WDPCP: variants seen among roughly 807,000 people sequenced by gnomAD.
WDPCP encodes the protein WD repeat containing planar cell polarity effector, also known as WD repeat-containing and planar cell polarity effector protein fritz homolog.
A neutral mutation model predicts 93.1 loss-of-function variants in WDPCP; 71 were observed. The observed-to-expected ratio is 0.76, with a 90% CI of 0.63 to 0.93. The LOEUF is 0.93. Among genes scored for constraint, WDPCP ranks in the 40% least tolerant of loss-of-function variants. The pLI is 0.00. For missense variants in WDPCP, 844 were observed against 887.4 expected, an observed-to-expected ratio of 0.95 and a Z score of 0.62; for synonymous variants, 315 against 315.0, an observed-to-expected ratio of 1.00 and a Z score of 0.00.
intron 2 of WDPCP, among the ~76,000 whole-genome samples, chr2:63,713,794 C>T (rs1045419003): frequency 3.9e-5 from 6 of 152,106 alleles, no homozygotes; most frequent in Non-Finnish European, 8.8e-5. Context: ...CAATTCTCAT[C>T]GTTAGGTTTG....
rs1300631825 is a variant in WDPCP at position 63,120,073 on chromosome 2, A to G, written c.*1933T>C. On this transcript the variant is annotated 3_prime_UTR_variant, in exon 18 of 18. Transcript: ENST00000272321. ...TATGTAGAAAAACATAGATGTATCA[A>G]TATCCATATTTTATCTTTAGTATCT... Among the ~76,000 whole-genome samples the G allele has an allele frequency of 6.6e-6, 1 of 152,216 alleles. No homozygotes were observed. The highest frequency in any genetic ancestry group is 1.5e-5 in the Non-Finnish European group (1 of 68,038).
At chr2:63,450,554 G>A (rs1284003446) in intron 6 of WDPCP, among the ~76,000 whole-genome samples, 11 of 152,196 alleles carry the variant, frequency 7.2e-5, no homozygotes, top group Non-Finnish European at 2.9e-5. Context: ...GCCTGGTACT[G>A]CTAACACCAG....
intron 2 of WDPCP, among the ~76,000 whole-genome samples, chr2:63,725,239 C>G (rs546765703): frequency 6.6e-6 from 1 of 152,130 alleles, no homozygotes; most frequent in African/African-American, 2.4e-5. Context: ...GTCTATTGTT[C>G]CCTTAGTGTC....
At chr2:63,305,905 C>T (rs994093697) in intron 13 of WDPCP, among the ~76,000 whole-genome samples, 1 of 152,046 alleles carries the variant, frequency 6.6e-6, no homozygotes, top group African/African-American at 2.4e-5. Flanking sequence ...CTTCACAAAG[C>T]ATACTGAAGG....
intron 2 of WDPCP, among the ~76,000 whole-genome samples, chr2:63,489,479 C>A (rs1442277079): frequency 6.6e-6 from 1 of 152,064 alleles, no homozygotes; most frequent in African/African-American, 2.4e-5. Context: ...GCACCTAAAG[C>A]AGAACTTGGC....
Position 63,404,030 on chromosome 2 carries a change from T to C in WDPCP, c.1435+18A>G, listed in dbSNP as rs777055382. Reference sequence around the variant, plus strand: ...CTAAACATTTTAATTTACTTACTCATCACTTTCCTTGACTTACCTAGTTTA... The same window carrying C: ...CTAAACATTTTAATTTACTTACTCACCACTTTCCTTGACTTACCTAGTTTA... On this transcript the variant is annotated intron_variant, in intron 10 of 17. Coordinates refer to ENST00000272321, the MANE Select transcript of WDPCP (RefSeq NM_015910.7). 14 of 1,613,900 alleles carry C rather than the reference T, an allele frequency of 8.7e-6. No individual in the cohort carries two copies. The highest frequency in any genetic ancestry group is 1.2e-5 in the Non-Finnish European group (14 of 1,179,918).
At position 63,366,178 on chromosome 2, in the gene WDPCP, T is replaced by C. The variant is rs146801335; in HGVS notation, c.1748+12208A>G. Among the ~76,000 whole-genome samples the C allele has an allele frequency of 7.0e-4, 106 of 152,278 alleles. 2 individuals are homozygous for C. The East Asian group carries it at 0.02, about 28-fold the overall frequency. On this transcript the variant is annotated intron_variant, in intron 12 of 17. Coordinates refer to ENST00000272321, the MANE Select transcript of WDPCP (RefSeq NM_015910.7). ...TGTTTAATTTTCAAAAGGAGGCATT[T>C]TGTTTCAAAATATATATTGTCAATG...
intron 1 of WDPCP, among the ~76,000 whole-genome samples, chr2:63,533,596 G>A (rs1375705348): frequency 6.6e-6 from 1 of 152,072 alleles, no homozygotes; most frequent in East Asian, 1.9e-4. Flanking sequence ...TGAACAACCT[G>A]CTCCTAAATA....
At chr2:63,584,494 G>C (rs1282340524) in intron 1 of WDPCP, among the ~76,000 whole-genome samples, 1 of 151,888 alleles carries the variant, frequency 6.6e-6, no homozygotes, top group Non-Finnish European at 1.5e-5. Flanking sequence ...TGAATCCAAT[G>C]AAAATGAATT....
intron 2 of WDPCP, among the ~76,000 whole-genome samples, chr2:63,723,191 G>T (rs897442027): frequency 1.0e-4 from 15 of 149,764 alleles, no homozygotes; most frequent in African/African-American, 3.4e-4. Flanking sequence ...AGAGACCTTT[G>T]TTCACTTGTT....
chr2:63,500,356 G>T (rs1203159925), intron 1 of WDPCP, among the ~76,000 whole-genome samples: 1 of 152,040 alleles, frequency 6.6e-6, no homozygotes, highest in Non-Finnish European at 1.5e-5. Context: ...TAAAGTCAAA[G>T]ATAGATAGTC....
intron 13 of WDPCP, among the ~76,000 whole-genome samples, chr2:63,289,309 G>C (rs1253872031): frequency 6.6e-6 from 1 of 151,720 alleles, no homozygotes; most frequent in East Asian, 1.9e-4. Flanking sequence ...TTATTTACTT[G>C]TATCATTATG....
At chr2:63,297,102 C>T (rs989729748) in intron 13 of WDPCP, among the ~76,000 whole-genome samples, 8 of 152,118 alleles carry the variant, frequency 5.3e-5, no homozygotes, top group African/African-American at 1.7e-4. Context: ...AGAAGAGACC[C>T]GGAGCCAGCA....
chr2:63,486,048 A>C (rs1700556590), intron 4 of WDPCP, among the ~76,000 whole-genome samples: 2 of 151,880 alleles, frequency 1.3e-5, no homozygotes, highest in South Asian at 4.2e-4. Context: ...GCTATAATCC[A>C]AAAAAATTTT....
chr2:63,820,574 C>G (rs1671003729), intron 1 of WDPCP, among the ~76,000 whole-genome samples: 1 of 152,122 alleles, frequency 6.6e-6, no homozygotes, highest in African/African-American at 2.4e-5. Context: ...ACACATGGTT[C>G]CAAAGTTGCT....
chr2:63,379,563 C>T (rs747218432), intron 11 of WDPCP, among the ~76,000 whole-genome samples: 1 of 152,114 alleles, frequency 6.6e-6, no homozygotes, highest in East Asian at 1.9e-4. Flanking sequence ...AAGCCAGATT[C>T]TCTTGCCATT....
At chr2:63,153,596 A>C (rs1672028915) in intron 15 of WDPCP, 22 bp from the exon 16 acceptor site, 2 of 1,585,258 alleles carry the variant, frequency 1.3e-6, no homozygotes, top group East Asian at 4.5e-5. Context: ...GGGTGTTTTT[A>C]ATTGGAAAAA....
chr2:63,761,937 G>A (rs1016730326), intron 2 of WDPCP, among the ~76,000 whole-genome samples: 1 of 151,910 alleles, frequency 6.6e-6, no homozygotes, highest in Non-Finnish European at 1.5e-5. Context: ...TTGGGCTGGG[G>A]GTCTAGTTAC....
At chr2:63,279,866 C>CA (rs1171353100) in intron 13 of WDPCP, among the ~76,000 whole-genome samples, 4 of 147,866 alleles carry the variant, frequency 2.7e-5, no homozygotes, top group Non-Finnish European at 4.5e-5. Flanking sequence ...ACAACAGCTG[C>CA]AAAAAAAAGG....
Sources: gnomAD v4.1 joint callset for allele counts (sites outside exome capture counted in the v4.1 genomes callset) on GRCh38, gnomAD v4.1.1 for gene constraint, MANE v1.5 for transcripts, NCBI Gene and HGNC (gene_info 2026-07-23, HGNC 2026-07-21) for gene names.